Variants in SLC9C2 observed in about 807,000 individuals in gnomAD.
SLC9C2 encodes the protein sodium/hydrogen exchanger 11.
In SLC9C2, 75 loss-of-function variants were observed where a neutral mutation model predicts 140.2. That is an observed-to-expected ratio of 0.53 (90% CI 0.44 to 0.65). SLC9C2 has a LOEUF of 0.65. Ranked by LOEUF, SLC9C2 falls within the 30% of genes least tolerant of loss-of-function variation. SLC9C2 has a pLI of 0.00. For missense variants in SLC9C2, 1,074 were observed against 1,331.8 expected (o/e 0.81, Z 3.01); for synonymous variants, 375 against 420.9 (o/e 0.89, Z 1.34).
intron 21 of SLC9C2, among the ~76,000 whole-genome samples, chr1:173,521,883 T>G: frequency 3.7e-5 from 2 of 54,004 alleles, no homozygotes; most frequent in East Asian, 2.7e-3. Flanking sequence ...CAGGGCGCTA[T>G]GCAAAAAAAA....
intron 7 of SLC9C2, among the ~76,000 whole-genome samples, chr1:173,577,047 T>A (rs1322886670): frequency 6.6e-6 from 1 of 152,262 alleles, no homozygotes; most frequent in Admixed American, 6.5e-5. Flanking sequence ...TGTAAATGGA[T>A]GTGTCCAGTA....
chr1:173,577,960 T>A (rs1369488406), intron 7 of SLC9C2, among the ~76,000 whole-genome samples: 2 of 151,942 alleles, frequency 1.3e-5, no homozygotes, highest in African/African-American at 2.4e-5. Flanking sequence ...ACAGGGAAAC[T>A]ATCTTTCAAT....
chr1:173,600,576 T>G (rs916947946), intron 2 of SLC9C2, among the ~76,000 whole-genome samples: 9 of 152,146 alleles, frequency 5.9e-5, no homozygotes, highest in Admixed American at 6.5e-5. Flanking sequence ...TTCAGTAGGT[T>G]AGTTGTATTA....
In SLC9C2 at chr1:173,533,802, A is replaced by T. The variant is rs762854221; in HGVS notation, c.1975-5T>A. 6.3e-7 allele frequency: 1 copy of T among 1,596,360 alleles called. No homozygotes were observed. Among genetic ancestry groups the T allele is most frequent in the Non-Finnish European group, 8.5e-7 (1 of 1,171,472 alleles). On this transcript the variant is annotated splice_polypyrimidine_tract_variant and splice_region_variant and intron_variant, in intron 16 of 27. Transcript: ENST00000367714. Reference sequence around the variant, plus strand: ...TTTCCTTTTCAAAATTATTATCTGTACAGAAAACAAATGTCATTTCATAGC... The same window carrying T: ...TTTCCTTTTCAAAATTATTATCTGTTCAGAAAACAAATGTCATTTCATAGC...
intron 9 of SLC9C2, among the ~76,000 whole-genome samples, chr1:173,568,465 C>CT (rs1332085348): frequency 1.3e-5 from 2 of 152,226 alleles, no homozygotes; most frequent in East Asian, 3.9e-4. Context: ...TGATCTCAGT[C>CT]TTTTTTATGG....
intron 13 of SLC9C2, among the ~76,000 whole-genome samples, chr1:173,539,173 T>C (rs1037840888): frequency 6.6e-6 from 1 of 152,182 alleles, no homozygotes; most frequent in Non-Finnish European, 1.5e-5. Context: ...GGAACAAGTG[T>C]TCTTTGAAAC....
At chr1:173,601,522 A>G (rs1302246455) in intron 2 of SLC9C2, 128 bp downstream of exon 2, 8 of 969,900 alleles carry the variant, frequency 8.2e-6, no homozygotes, top group Non-Finnish European at 1.1e-5. Context: ...CGAGATTGAC[A>G]GTATTCACTC....
intron 4 of SLC9C2, 29 bp downstream of exon 4, chr1:173,597,875 A>G (rs766927124): frequency 7.1e-6 from 11 of 1,550,472 alleles, no homozygotes; most frequent in Non-Finnish European, 9.6e-6. Context: ...GCAAGAATTG[A>G]TCGTACTTTG....
At chr1:173,579,993 A>G (rs1665419259) in intron 7 of SLC9C2, among the ~76,000 whole-genome samples, 1 of 152,188 alleles carries the variant, frequency 6.6e-6, no homozygotes, top group African/African-American at 2.4e-5. Context: ...AGGAACTCAT[A>G]TTTATTGACT....
At chr1:173,577,862 C>G (rs924469620) in intron 7 of SLC9C2, among the ~76,000 whole-genome samples, 1 of 152,118 alleles carries the variant, frequency 6.6e-6, no homozygotes, top group Non-Finnish European at 1.5e-5. Flanking sequence ...CTTAAGTTCA[C>G]TTTAGACTTC....
At position 173,532,786 on chromosome 1, in the gene SLC9C2, C is replaced by T. The variant is rs540220202; in HGVS notation, c.2163+823G>A. On this transcript the variant is annotated intron_variant, in intron 17 of 27. Coordinates refer to ENST00000367714, the MANE Select transcript of SLC9C2 (RefSeq NM_178527.4). ...AACAGGCCGAGTATGGTGGTTCATG[C>T]CTGTAATCCCAGCACTTTGGGAGGC... Among the ~76,000 whole-genome samples, 320 of 152,210 alleles carry T rather than the reference C, an allele frequency of 2.1e-3. 11 individuals carry two copies. In the South Asian group the frequency reaches 0.063, roughly 30 times the overall value.
At chr1:173,529,569 T>G (rs1571479894) in intron 18 of SLC9C2, among the ~76,000 whole-genome samples, 1 of 151,538 alleles carries the variant, frequency 6.6e-6, no homozygotes, top group East Asian at 1.9e-4. Flanking sequence ...CTTTGAAGCC[T>G]TTTTCAAGTC....
At chr1:173,540,972 A>G (rs1481419243) in intron 13 of SLC9C2, among the ~76,000 whole-genome samples, 1 of 152,240 alleles carries the variant, frequency 6.6e-6, no homozygotes, top group Non-Finnish European at 1.5e-5. Flanking sequence ...ACCAGTTAAC[A>G]TCATAATGAC....
intron 13 of SLC9C2, among the ~76,000 whole-genome samples, chr1:173,545,950 G>A (rs968506827): frequency 2.0e-5 from 3 of 152,144 alleles, no homozygotes; most frequent in African/African-American, 7.2e-5. Context: ...GGCAGTCTCA[G>A]GGTGGCATTC....
intron 12 of SLC9C2, 110 bp downstream of exon 12, chr1:173,548,279 A>G (rs1393172765): frequency 1.9e-6 from 2 of 1,079,426 alleles, no homozygotes; most frequent in African/African-American, 3.3e-5. Flanking sequence ...ATCTCCCCTC[A>G]GTTTTGTGAC....
At chr1:173,594,284 T>C (rs1314503976) in intron 4 of SLC9C2, among the ~76,000 whole-genome samples, 2 of 152,194 alleles carry the variant, frequency 1.3e-5, no homozygotes, top group Admixed American at 6.5e-5. Context: ...ATATACTATA[T>C]AGTTTCACAT....
At chr1:173,536,797 A>G (rs1661993387) in intron 14 of SLC9C2, 145 bp downstream of exon 14, 2 of 611,646 alleles carry the variant, frequency 3.3e-6, no homozygotes, top group South Asian at 4.5e-5. Context: ...GGAAGGACAG[A>G]CAGATGGACA....
chr1:173,553,653 T>C (rs996262398), intron 11 of SLC9C2, among the ~76,000 whole-genome samples: 1 of 152,260 alleles, frequency 6.6e-6, no homozygotes, highest in Non-Finnish European at 1.5e-5. Flanking sequence ...TCTTAGACAC[T>C]GTGCTTTTGA....
intron 3 of SLC9C2, among the ~76,000 whole-genome samples, chr1:173,599,500 G>C (rs1392066406): frequency 6.8e-6 from 1 of 146,814 alleles, no homozygotes; most frequent in African/African-American, 2.5e-5. Flanking sequence ...TCAGCCTCCT[G>C]AGTAGCTGGG....
Sources: allele counts gnomAD v4.1 joint callset (sites outside exome capture counted in the v4.1 genomes callset), GRCh38; gene constraint gnomAD v4.1.1; transcripts MANE v1.5; gene names NCBI Gene and HGNC (gene_info 2026-07-23, HGNC 2026-07-21).